The following FBN3 variants were observed in gnomAD, a reference collection of about 807,000 sequenced individuals.
FBN3 encodes fibrillin-3.
FBN3 carries 234 observed loss-of-function variants against 330.1 expected under a neutral mutation model. The observed-to-expected ratio is 0.71, with a 90% CI of 0.64 to 0.79. The LOEUF (loss-of-function observed/expected upper bound fraction) is 0.79. Among genes scored for constraint, FBN3 ranks in the 30% least tolerant of loss-of-function variants. FBN3 has a pLI of 0.00. For missense variants in FBN3, 3,606 were observed against 3,886.9 expected, an observed-to-expected ratio of 0.93 and a Z score of 1.92; for synonymous variants, 1,458 against 1,517.3, an observed-to-expected ratio of 0.96 and a Z score of 0.91.
rs1159967817 is a variant in FBN3 at position 8,086,184 on chromosome 19, G to T, written c.6880+16C>A. On this transcript the variant is annotated intron_variant, in intron 55 of 63. Coordinates refer to ENST00000600128, the MANE Select transcript of FBN3 (RefSeq NM_032447.5). ...GTAGGTGGTTGCAACCACTGTGCGT[G>T]TCCAGCCACACTCACCGTGGCACTC... 6.2e-7 allele frequency: 1 copy of T among 1,601,026 alleles called. No homozygotes were observed. Among genetic ancestry groups the T allele is most frequent in the Admixed American group, 1.7e-5 (1 of 58,938 alleles).
At chr19:8,141,484 T>C (rs533052713) in intron 8 of FBN3, among the ~76,000 whole-genome samples, 42 of 152,282 alleles carry the variant, frequency 2.8e-4, no homozygotes, top group Non-Finnish European at 5.1e-4. Flanking sequence ...TCCAGGCTGC[T>C]GGCAAAACCT....
chr19:8,071,243 C>G (rs1250096234), intron 63 of FBN3, among the ~76,000 whole-genome samples: 1 of 152,182 alleles, frequency 6.6e-6, no homozygotes, highest in East Asian at 1.9e-4. Context: ...AAAATGCCCT[C>G]TCTGCACACC....
Position 8,089,626 on chromosome 19 carries a change from C to G in FBN3, c.6295G>C (p.Val2099Leu), listed in dbSNP as rs1290016682. ...AAGGATCCATCGGTGTTGACACAGA[C>G]GCCGTTAGTGCAGACGCCAGGGTTC... ...AENPGVCTNG[V>L]CVNTDGSFRC... is the part of the protein sequence containing the mutation. The change falls in exon 51 of 64, where the codon GTC becomes CTC. Residue 2099 changes from valine (V) to leucine (L), a missense_variant. Coordinates refer to ENST00000600128, the MANE Select transcript of FBN3 (RefSeq NM_032447.5). 1 of 1,614,096 alleles carries G rather than the reference C, an allele frequency of 6.2e-7. No homozygotes were observed. The highest frequency in any genetic ancestry group is 1.3e-5 in the African/African-American group (1 of 74,938).
At chr19:8,073,681 T>C (rs1469118410) in intron 61 of FBN3, among the ~76,000 whole-genome samples, 1 of 152,182 alleles carries the variant, frequency 6.6e-6, no homozygotes, top group Non-Finnish European at 1.5e-5. Context: ...CCTATCCGCC[T>C]CCAATTGTCT....
In FBN3 at chr19:8,131,535, C is replaced by G. The variant is rs374425559; in HGVS notation, c.1990+19G>C. On this transcript the variant is annotated intron_variant, in intron 15 of 63. Transcript: ENST00000600128. The surrounding 1 kb of genome is among the most constrained non-coding windows in gnomAD (Gnocchi z 4.5). ...TTCAGACCAAGGAGGCGATGGGGAC[C>G]GGGCAGCCGGATGCTCACCGGAGTC... is the stretch of plus-strand genomic sequence containing the variant. 1 of 1,589,008 alleles carries G rather than the reference C, an allele frequency of 6.3e-7. No individual in the cohort carries two copies. The highest frequency in any genetic ancestry group is 2.2e-5 in the East Asian group (1 of 44,586).
Position 8,086,308 on chromosome 19 carries a change from C to A in FBN3, c.6772G>T (p.Ala2258Ser), listed in dbSNP as rs369432951. Residue 2258 changes from alanine to serine, a missense_variant, in exon 55 of 64, where the codon GCT (alanine) becomes TCT (serine). By Grantham distance (99) the Ala-to-Ser change is moderately conservative. Transcript: ENST00000600128. ...EGCTDDNECHAQPDLCVNGRC... is the reference protein window; with the variant it reads ...EGCTDDNECHSQPDLCVNGRC... ...CCGTTGACACAGAGGTCAGGCTGAG[C>A]GTGGCATTCATTGTCATCTGAGATG... The A allele has an allele frequency of 7.5e-6, 12 of 1,606,464 alleles. 1 individual carries two copies. In the South Asian group the frequency reaches 1.3e-4, roughly 18 times the overall value.
At chr19:8,074,732 AGCAGACATCACTAATCACACTCGTG>A in intron 61 of FBN3, 1 of 248,174 alleles carries the variant, frequency 4.0e-6, no homozygotes, top group Non-Finnish European at 7.8e-6. Flanking sequence ...CAGCATCCAT[AGCAGACATCACTAATCACACTCGTG>A]GCAGACATCA....
In FBN3 at chr19:8,116,810, AGGGTT is replaced by A; in HGVS notation, c.3587-16_3587-12del. The A allele has an allele frequency of 6.2e-7, 1 of 1,612,986 alleles. No homozygotes were observed. The highest frequency in any genetic ancestry group is 8.5e-7 in the Non-Finnish European group (1 of 1,179,414). On this transcript the variant is annotated splice_polypyrimidine_tract_variant and intron_variant, in intron 28 of 63. Coordinates refer to ENST00000600128, the MANE Select transcript of FBN3 (RefSeq NM_032447.5). ...CACACTCGTCCACGTCTGGGGGAGC[AGGGTT>A]GGGGACTGTGCTTAGCTTTGCCCTG... is the stretch of plus-strand genomic sequence containing the variant.
chr19:8,100,772 G>A, intron 41 of FBN3, 129 bp downstream of exon 41: 1 of 729,890 alleles, frequency 1.4e-6, no homozygotes, highest in South Asian at 1.5e-5. Context: ...TTGGAGGTGT[G>A]TGGAGCGAGG....
In FBN3 at chr19:8,078,067, G is replaced by C. The variant is rs574194900; in HGVS notation, c.7454-2656C>G. ...ATCTCCAGCCTGGGCGACAGAGCAA[G>C]ACTCCATCTCAAAAATTAAAAACAG... On this transcript the variant is annotated intron_variant, in intron 59 of 63. Transcript: ENST00000600128. 5.9e-5 allele frequency among the ~76,000 whole-genome samples: 9 copies of C among 152,288 alleles called. No homozygotes were observed. The South Asian group carries it at 1.7e-3, about 28-fold the overall frequency.
intron 37 of FBN3, among the ~76,000 whole-genome samples, chr19:8,107,300 G>A (rs1285736177): frequency 7.0e-6 from 1 of 143,614 alleles, no homozygotes; most frequent in Non-Finnish European, 1.5e-5. Flanking sequence ...ATGAAAGGAT[G>A]GAGGATAGAT....
intron 56 of FBN3, among the ~76,000 whole-genome samples, chr19:8,084,712 G>A (rs1314970017): frequency 2.6e-5 from 4 of 151,014 alleles, no homozygotes; most frequent in African/African-American, 7.3e-5. Context: ...TCAGCCTCCC[G>A]AGTAACTGGG....
chr19:8,081,543 G>A (rs954821623), intron 57 of FBN3, 63 bp from the exon 58 acceptor site: 1 of 1,503,420 alleles, frequency 6.7e-7, no homozygotes, highest in African/African-American at 1.4e-5. Flanking sequence ...GGGTGTTCAG[G>A]GACTGAGGTC....
rs943246858 is a variant in FBN3 at position 8,129,879 on chromosome 19, G to A, written c.2045-514C>T. Among the ~76,000 whole-genome samples, 82 of 151,164 alleles carry A rather than the reference G, an allele frequency of 5.4e-4. No homozygotes were observed. The highest frequency in any genetic ancestry group is 1.8e-4 in the Non-Finnish European group (12 of 67,784). On this transcript the variant is annotated intron_variant, in intron 16 of 63. Transcript: ENST00000600128. The surrounding 1 kb of genome is among the most constrained non-coding windows in gnomAD (Gnocchi z 4.5). ...TTGAGACCAGCCTGGGCAACATAGC[G>A]AGACCCATGTCTATAAAAAGCAATT...
Position 8,132,995 on chromosome 19 carries a change from T to A in FBN3, c.1703A>T (p.His568Leu). ...KPGFLLAPGG[H>L]YCMDIDECQT... ...GGCTCCAGGCTCACCCATGCAGTAG[T>A]GGCCGCCAGGCGCCAGCAGGAAGCC... Residue 568 changes from histidine to leucine, a missense_variant, in exon 14 of 64, where the codon CAC becomes CTC. By Grantham distance (99) the His-to-Leu change is moderately conservative (BLOSUM62 -3). Coordinates refer to ENST00000600128, the MANE Select transcript of FBN3 (RefSeq NM_032447.5). The A allele has an allele frequency of 1.3e-6, 2 of 1,562,552 alleles. No homozygotes were observed. Among genetic ancestry groups the A allele is most frequent in the Non-Finnish European group, 1.7e-6 (2 of 1,157,326 alleles).
chr19:8,085,342 C>T (rs1599294987), intron 56 of FBN3, 21 bp downstream of exon 56: 2 of 1,553,398 alleles, frequency 1.3e-6, no homozygotes, highest in Non-Finnish European at 1.7e-6. Flanking sequence ...CCCTGGGGGT[C>T]CTGAGGGCAT....
At chr19:8,130,601 A>AAGGAAGGAAGGAAGGAAGG (rs2083106820) in intron 16 of FBN3, among the ~76,000 whole-genome samples, 1 of 12,776 alleles carries the variant, frequency 7.8e-5, no homozygotes, top group Non-Finnish European at 1.6e-4. Context: ...AGAAAGAAAG[A>AAGGAAGGAAGGAAGGAAGG]AAGAAAGAAA....
chr19:8,106,967 A>C (rs2082452710), intron 37 of FBN3, among the ~76,000 whole-genome samples: 2 of 147,888 alleles, frequency 1.4e-5, no homozygotes, highest in African/African-American at 5.1e-5. Flanking sequence ...TGGATGGGAG[A>C]GTGGGAAATA....
At chr19:8,110,504 C>T (rs1476299810) in intron 34 of FBN3, among the ~76,000 whole-genome samples, 1 of 152,194 alleles carries the variant, frequency 6.6e-6, no homozygotes, top group Non-Finnish European at 1.5e-5. Context: ...CTTGTGGCTG[C>T]TTTTGAGCTA....
Sources: allele counts gnomAD v4.1 joint callset (sites outside exome capture counted in the v4.1 genomes callset), GRCh38; gene constraint gnomAD v4.1.1; non-coding constraint Gnocchi (gnomAD v3.1); transcripts MANE v1.5; gene names NCBI Gene and HGNC (gene_info 2026-07-23, HGNC 2026-07-21).